HHLA2: variants seen among roughly 807,000 people sequenced by gnomAD.
HHLA2 encodes HHLA2 member of B7 family.
HHLA2 carries 48 observed loss-of-function variants against 45.9 expected under a neutral mutation model. The observed-to-expected ratio is 1.05, with a 90% CI of 0.83 to 1.33. HHLA2 has a LOEUF of 1.33. HHLA2 is among the 40% of genes most tolerant of loss of function. HHLA2 has a pLI of 0.00. For synonymous variants in HHLA2, 161 were observed against 173.9 expected, an observed-to-expected ratio of 0.93 and a Z score of 0.59; for missense variants, 462 against 494.3, an observed-to-expected ratio of 0.93 and a Z score of 0.62.
intron 2 of HHLA2, chr3:108,326,819 G>A (rs1230170307): frequency 6.6e-6 from 1 of 152,404 alleles, no homozygotes; most frequent in African/African-American, 2.4e-5. Context: ...AGACATGGCT[G>A]CTATGGAAAG....
rs2081833588 is a variant in HHLA2 at position 108,353,791 on chromosome 3, A to G, written c.418+11A>G. On this transcript the variant is annotated intron_variant, in intron 5 of 10. Coordinates refer to ENST00000619531, the Ensembl canonical transcript of HHLA2. ...TGCTAAAGGTGGGAGGTAAGTGTGC[A>G]TGTAAAGTTTCATGAAACAGCAATG... 3 of 1,580,340 alleles carry G rather than the reference A, an allele frequency of 1.9e-6. No individual in the cohort carries two copies. Among genetic ancestry groups the G allele is most frequent in the Admixed American group, 1.8e-5 (1 of 56,168 alleles).
rs371461128 is a variant in HHLA2, at chr3:108,325,899, T to A, written c.-104-2371T>A. 9.2e-5 allele frequency: 37 copies of A among 400,328 alleles called. 1 individual carries two copies. Among genetic ancestry groups the A allele is most frequent in the African/African-American group, 6.9e-4 (33 of 47,592 alleles). 24.8% of individuals were successfully genotyped at this position (400,328 alleles called of 1,614,324 possible). On this transcript the variant is annotated intron_variant, in intron 2 of 10. Transcript: ENST00000619531. ...CTTTGGCTGGATGAAGCACTAGCCA[T>A]CTCTTGCTTCAATAAGGCTTTCCTT...
At chr3:108,333,914 C>T (rs1314140094) in intron 3 of HHLA2, among the ~76,000 whole-genome samples, 2 of 152,294 alleles carry the variant, frequency 1.3e-5, no homozygotes, top group Non-Finnish European at 1.5e-5. Flanking sequence ...TTGATTTGGA[C>T]ACATGTATCT....
At chr3:108,357,046 C>G (rs144077697) in intron 6 of HHLA2, among the ~76,000 whole-genome samples, 5 of 152,162 alleles carry the variant, frequency 3.3e-5, no homozygotes, top group African/African-American at 1.2e-4. Flanking sequence ...AGATGAAAGA[C>G]CTTTTACACG....
chr3:108,333,433 T>G (rs2081419514), intron 3 of HHLA2, among the ~76,000 whole-genome samples: 2 of 152,074 alleles, frequency 1.3e-5, no homozygotes, highest in Non-Finnish European at 2.9e-5. Context: ...AGATTCCCAG[T>G]TAAATTTGAA....
At chr3:108,377,264 T>A in exon 11 of HHLA2, 1 of 1,570,786 alleles carries the variant, frequency 6.4e-7, no homozygotes, top group Non-Finnish European at 8.7e-7. Flanking sequence ...CTAGCCTCTT[T>A]CAGGAAAAGT....
At position 108,328,556 on chromosome 3, in the gene HHLA2, A is replaced by G. The variant is rs552892783; in HGVS notation, c.-27+209A>G. Among the ~76,000 whole-genome samples, 6 of 152,304 alleles carry G rather than the reference A, an allele frequency of 3.9e-5. No individual in the cohort carries two copies. The South Asian group carries it at 1.0e-3, about 26-fold the overall frequency. On this transcript the variant is annotated intron_variant, in intron 3 of 10. Transcript: ENST00000619531. ...AGTTAGGTAACTTGGACAACAGTAC[A>G]CAGCTTTAAATAGACCTGGGCTTTG...
chr3:108,346,199 A>AAAGC, intron 3 of HHLA2, among the ~76,000 whole-genome samples: 1 of 152,160 alleles, frequency 6.6e-6, no homozygotes, highest in Non-Finnish European at 1.5e-5. Context: ...CAAAGACAGC[A>AAAGC]CCCCTAGAGA....
chr3:108,364,220 A>C (rs1451628827), intron 8 of HHLA2, among the ~76,000 whole-genome samples: 1 of 152,014 alleles, frequency 6.6e-6, no homozygotes, highest in Non-Finnish European at 1.5e-5. Context: ...TTCAATTCCC[A>C]CCTATGAGTG....
intron 1 of HHLA2, among the ~76,000 whole-genome samples, chr3:108,300,960 T>G (rs888697485): frequency 2.6e-5 from 4 of 152,164 alleles, no homozygotes; most frequent in African/African-American, 9.7e-5. Context: ...ACAGCTGAAA[T>G]ATTTCATAGC....
intron 8 of HHLA2, among the ~76,000 whole-genome samples, chr3:108,364,939 TGTAG>T (rs1288913769): frequency 1.3e-5 from 2 of 152,234 alleles, no homozygotes; most frequent in Non-Finnish European, 2.9e-5. Context: ...TCTCCCATTC[TGTAG>T]GTTGCCTGCT....
At chr3:108,335,888 A>G (rs561681257) in intron 3 of HHLA2, among the ~76,000 whole-genome samples, 1 of 152,082 alleles carries the variant, frequency 6.6e-6, no homozygotes, top group African/African-American at 2.4e-5. Flanking sequence ...TAGCTGAGTG[A>G]TCCATTTGTC....
chr3:108,328,359 G>T (rs1444614386), intron 3 of HHLA2: 3 of 1,507,314 alleles, frequency 2.0e-6, no homozygotes. Context: ...TAAGTAGGGA[G>T]ATATACAATG....
intron 3 of HHLA2, among the ~76,000 whole-genome samples, chr3:108,338,078 C>T (rs954476716): frequency 1.3e-5 from 2 of 151,702 alleles, no homozygotes; most frequent in Admixed American, 6.6e-5. Flanking sequence ...AACGCACACA[C>T]ACATATGTAT....
At chr3:108,298,240 C>G (rs944943059) in intron 1 of HHLA2, among the ~76,000 whole-genome samples, 2 of 152,144 alleles carry the variant, frequency 1.3e-5, no homozygotes, top group Non-Finnish European at 2.9e-5. Flanking sequence ...ATTAGGTATT[C>G]CCTATCTAGG....
chr3:108,354,768 T>C (rs2081853251), intron 5 of HHLA2, among the ~76,000 whole-genome samples: 1 of 152,130 alleles, frequency 6.6e-6, no homozygotes, highest in African/African-American at 2.4e-5. Flanking sequence ...ATTTGAGGAG[T>C]GTAGAGTGCC....
chr3:108,373,579 T>C (rs1462363432), intron 8 of HHLA2, among the ~76,000 whole-genome samples: 1 of 152,094 alleles, frequency 6.6e-6, no homozygotes, highest in Non-Finnish European at 1.5e-5. Flanking sequence ...CTAGAAAACC[T>C]CATCGTCTCA....
intron 3 of HHLA2, among the ~76,000 whole-genome samples, chr3:108,347,405 T>C (rs2081684190): frequency 6.6e-6 from 1 of 152,138 alleles, no homozygotes; most frequent in African/African-American, 2.4e-5. Flanking sequence ...TTGGAGCACT[T>C]GTGTTCACAA....
At chr3:108,331,711 G>T (rs776185327) in intron 3 of HHLA2, among the ~76,000 whole-genome samples, 3 of 152,044 alleles carry the variant, frequency 2.0e-5, no homozygotes, top group Non-Finnish European at 1.5e-5. Flanking sequence ...ACACCCATTT[G>T]CCCTGTAGCA....
Sources: allele counts gnomAD v4.1 joint callset (sites outside exome capture counted in the v4.1 genomes callset), GRCh38; gene constraint gnomAD v4.1.1; transcripts MANE v1.5; gene names NCBI Gene and HGNC (gene_info 2026-07-23, HGNC 2026-07-21).